MAN1C1: variants seen among roughly 807,000 people sequenced by gnomAD.
MAN1C1 encodes mannosidase alpha class 1C member 1, also known as mannosyl-oligosaccharide 1,2-alpha-mannosidase IC.
In MAN1C1, 49 loss-of-function variants were observed where a neutral mutation model predicts 71.5. That is an observed-to-expected ratio of 0.69 (90% CI 0.54 to 0.87). The LOEUF is 0.87. Ranked by LOEUF, MAN1C1 falls within the 40% of genes least tolerant of loss-of-function variation. The pLI, the probability that MAN1C1 is intolerant of heterozygous loss-of-function variation, is 0.00. For synonymous variants in MAN1C1, 352 were observed against 343.7 expected, an observed-to-expected ratio of 1.02 and a Z score of -0.27; for missense variants, 743 against 835.0, an observed-to-expected ratio of 0.89 and a Z score of 1.36.
rs960301284 is a variant in MAN1C1 at position 25,725,385 on chromosome 1, A to ATG, written c.638-21280_638-21279dup. Reference sequence around the variant, plus strand: ...TTAGAGGAGGGATTCACACGTAATTATGTGGTCAAAGTGCTACGGGAATAC... The same window carrying ATG: ...TTAGAGGAGGGATTCACACGTAATTATGTGTGGTCAAAGTGCTACGGGAATAC... On this transcript the variant is annotated intron_variant, in intron 2 of 11. Coordinates refer to ENST00000374332, the MANE Select transcript of MAN1C1 (RefSeq NM_020379.4). The surrounding 1 kb of genome is among the most constrained non-coding windows in gnomAD (Gnocchi z 4.8). Among the ~76,000 whole-genome samples, 2 of 152,218 alleles carry ATG rather than the reference A, an allele frequency of 1.3e-5. No individual in the cohort carries two copies. Among genetic ancestry groups the ATG allele is most frequent in the Non-Finnish European group, 2.9e-5 (2 of 68,042 alleles).
chr1:25,621,907 G>A (rs139315295), intron 1 of MAN1C1, among the ~76,000 whole-genome samples: 58 of 152,260 alleles, frequency 3.8e-4, no homozygotes, highest in African/African-American at 1.3e-3. Flanking sequence ...GAGATTACAG[G>A]CACGAGCCAC....
At chr1:25,698,807 G>T (rs1299242950) in intron 2 of MAN1C1, among the ~76,000 whole-genome samples, 1 of 151,814 alleles carries the variant, frequency 6.6e-6, no homozygotes, top group African/African-American at 2.4e-5. Context: ...AAATTAGCTG[G>T]GCATGGTGGC....
chr1:25,646,610 C>T (rs937887417), intron 1 of MAN1C1, among the ~76,000 whole-genome samples: 10 of 152,218 alleles, frequency 6.6e-5, no homozygotes, highest in Non-Finnish European at 1.3e-4. Context: ...AGACCCACTA[C>T]CCCCAGCCCA....
chr1:25,734,628 C>T (rs1195713366), intron 2 of MAN1C1, among the ~76,000 whole-genome samples: 3 of 152,232 alleles, frequency 2.0e-5, no homozygotes, highest in Non-Finnish European at 4.4e-5. Flanking sequence ...CAGCACCTCA[C>T]ACCACAGAGG....
In MAN1C1 at chr1:25,778,715, A is replaced by C. The variant is rs1045143614; in HGVS notation, c.1477+391A>C. Among the ~76,000 whole-genome samples the C allele has an allele frequency of 6.6e-6, 1 of 152,076 alleles. No individual in the cohort carries two copies. Among genetic ancestry groups the C allele is most frequent in the African/African-American group, 2.4e-5 (1 of 41,414 alleles). ...TGAGCCCGGCACATGTCCCACCCTG[A>C]GTCTCCTACTTTCAAATGTGCCTCT... On this transcript the variant is annotated intron_variant, in intron 9 of 11. Coordinates refer to ENST00000374332, the MANE Select transcript of MAN1C1 (RefSeq NM_020379.4). The surrounding 1 kb of genome is among the most constrained non-coding windows in gnomAD (Gnocchi z 5.5).
At chr1:25,718,275 T>C (rs1387044662) in intron 2 of MAN1C1, among the ~76,000 whole-genome samples, 1 of 152,188 alleles carries the variant, frequency 6.6e-6, no homozygotes, top group Non-Finnish European at 1.5e-5. Flanking sequence ...CTCCTCACAG[T>C]GTGTCCCAGC....
chr1:25,687,155 C>T (rs1416589103), intron 2 of MAN1C1, among the ~76,000 whole-genome samples: 2 of 152,158 alleles, frequency 1.3e-5, no homozygotes, highest in Non-Finnish European at 2.9e-5. Flanking sequence ...AGTCATGGCT[C>T]ACAAGCTACT....
chr1:25,619,146 G>A (rs1402057512), intron 1 of MAN1C1, among the ~76,000 whole-genome samples: 1 of 152,176 alleles, frequency 6.6e-6, no homozygotes, highest in African/African-American at 2.4e-5. Context: ...ACAGTTGCCA[G>A]CTTGCCACTG....
At chr1:25,719,144 C>T (rs1300131827) in intron 2 of MAN1C1, among the ~76,000 whole-genome samples, 1 of 149,180 alleles carries the variant, frequency 6.7e-6, no homozygotes, top group Non-Finnish European at 1.5e-5. Flanking sequence ...GCGATCTTGG[C>T]TGTCTGCAAC....
intron 2 of MAN1C1, among the ~76,000 whole-genome samples, chr1:25,691,027 A>C (rs1031588627): frequency 6.6e-6 from 1 of 152,094 alleles, no homozygotes; most frequent in Non-Finnish European, 1.5e-5. Flanking sequence ...GCTAAAGAAC[A>C]TGGACTCAGC....
Position 25,686,472 on chromosome 1 carries a change from T to G in MAN1C1, c.573T>G (p.Arg191=). The change falls in exon 2 of 12, where the codon CGT becomes CGG. Residue 191 remains arginine, a synonymous_variant. Transcript: ENST00000374332. ...MMQFAWQSYK[R]YAMGKNELRP... ...AGTTTGCTTGGCAGAGCTATAAGCG[T>G]TATGCAATGGGGAAAAACGAACTCC... 1 of 1,614,200 alleles carries G rather than the reference T, an allele frequency of 6.2e-7. No individual in the cohort carries two copies. Among genetic ancestry groups the G allele is most frequent in the Non-Finnish European group, 8.5e-7 (1 of 1,180,030 alleles).
At chr1:25,765,755 C>T (rs1033608141) in intron 7 of MAN1C1, among the ~76,000 whole-genome samples, 4 of 152,150 alleles carry the variant, frequency 2.6e-5, no homozygotes, top group Admixed American at 1.3e-4. Flanking sequence ...GACACTGTGG[C>T]GAAGCAGCTG....
intron 1 of MAN1C1, among the ~76,000 whole-genome samples, chr1:25,653,659 T>C (rs1447726232): frequency 6.6e-6 from 1 of 152,194 alleles, no homozygotes; most frequent in Non-Finnish European, 1.5e-5. Context: ...AAGAGCTGCT[T>C]TCCCCAGAAC....
intron 1 of MAN1C1, among the ~76,000 whole-genome samples, chr1:25,632,865 ATT>A (rs33924292): frequency 0.12 from 13,823 of 113,150 alleles, 1,446 homozygotes; most frequent in African/African-American, 0.37. Flanking sequence ...TACAATTTTG[ATT>A]TTTTTTTTTT....
At position 25,746,811 on chromosome 1, in the gene MAN1C1, G is replaced by T. The variant is rs756676062; in HGVS notation, c.753+28G>T. ...GAGTCAGAGGCCCTCGGCGGGGGAG[G>T]GGGGCGGGGGCCAGAAGAGGCCCAA... On this transcript the variant is annotated intron_variant, in intron 3 of 11. Coordinates refer to ENST00000374332, the MANE Select transcript of MAN1C1 (RefSeq NM_020379.4). This position sits in a 1 kb window ranked among gnomAD's most constrained non-coding sequence, Gnocchi z 4.0. The T allele has an allele frequency of 4.6e-6, 6 of 1,301,676 alleles. No individual in the cohort carries two copies. The South Asian group carries it at 6.3e-5, about 14-fold the overall frequency. The allele number at this position is 1,301,676 out of a possible 1,614,324, so 80.6% of individuals were successfully genotyped here. A position where few individuals can be genotyped will look rare whatever the true frequency, so the allele number is the denominator to read the frequency against.
At chr1:25,781,421 G>A (rs1016433555) in intron 10 of MAN1C1, among the ~76,000 whole-genome samples, 12 of 146,036 alleles carry the variant, frequency 8.2e-5, no homozygotes, top group African/African-American at 1.7e-4. Flanking sequence ...AGAGCACCAC[G>A]CAGGCACCAC....
intron 2 of MAN1C1, among the ~76,000 whole-genome samples, chr1:25,705,010 G>A (rs1259738393): frequency 6.6e-6 from 1 of 152,236 alleles, no homozygotes; most frequent in African/African-American, 2.4e-5. Context: ...TTCTCAGTTG[G>A]AGAGTGATAA....
intron 2 of MAN1C1, among the ~76,000 whole-genome samples, chr1:25,688,580 C>T (rs576653656): frequency 3.7e-4 from 57 of 152,290 alleles, no homozygotes; most frequent in African/African-American, 1.2e-3. Context: ...TAAATCTCAA[C>T]CCTCTGGCCC....
At position 25,661,467 on chromosome 1, in the gene MAN1C1, C is replaced by A. The variant is rs143695968; in HGVS notation, c.541-24973C>A. ...GCAGTTTCAAACTCTTCCCTCTTTT[C>A]CCCAGAGCACAAATGTCCCCCTCTG... On this transcript the variant is annotated intron_variant, in intron 1 of 11. Coordinates refer to ENST00000374332, the MANE Select transcript of MAN1C1 (RefSeq NM_020379.4). Among the ~76,000 whole-genome samples the A allele has an allele frequency of 6.8e-3, 1,042 of 152,306 alleles. 2 individuals carry two copies. The highest frequency in any genetic ancestry group is 0.017 in the Middle Eastern group (5 of 294).
Sources: allele counts gnomAD v4.1 joint callset (sites outside exome capture counted in the v4.1 genomes callset), GRCh38; gene constraint gnomAD v4.1.1; non-coding constraint Gnocchi (gnomAD v3.1); transcripts MANE v1.5; gene names NCBI Gene and HGNC (gene_info 2026-07-23, HGNC 2026-07-21).